CDK17: variants seen among roughly 807,000 people sequenced by gnomAD.
The protein encoded by CDK17 is cyclin dependent kinase 17, also known as cyclin-dependent kinase 17.
Under a neutral mutation model 77.6 loss-of-function variants are expected in CDK17, and 24 were observed. The observed-to-expected ratio is 0.31, with a 90% confidence interval of 0.22 to 0.44. The LOEUF is 0.44. Ranked by LOEUF, CDK17 falls within the 20% of genes least tolerant of loss-of-function variation. The probability of loss-of-function intolerance (pLI) is 1.00; values close to 1 mark genes in which losing one functional copy is unlikely to be tolerated. For synonymous variants in CDK17, 203 were observed against 210.4 expected (o/e 0.96, Z 0.30); for missense variants, 429 against 622.5 (o/e 0.69, Z 3.31).
chr12:96,302,052 T>A (rs1445544955), intron 5 of CDK17, among the ~76,000 whole-genome samples: 1 of 152,176 alleles, frequency 6.6e-6, no homozygotes, highest in Non-Finnish European at 1.5e-5. Context: ...GACATTTTCC[T>A]ATGACGTTTT....
At chr12:96,300,199 A>G (rs899729547) in intron 6 of CDK17, 105 bp downstream of exon 6, 3 of 767,592 alleles carry the variant, frequency 3.9e-6, no homozygotes, top group Admixed American at 2.2e-5. Flanking sequence ...TCTTGTAGAC[A>G]TCAGTACTTA....
intron 1 of CDK17, among the ~76,000 whole-genome samples, chr12:96,354,609 G>A (rs1159952485): frequency 6.6e-6 from 1 of 152,140 alleles, no homozygotes; most frequent in Non-Finnish European, 1.5e-5. Context: ...ACTGGGCATG[G>A]TGGCTCACAT....
At chr12:96,305,493 T>C (rs540288709) in intron 5 of CDK17, among the ~76,000 whole-genome samples, 2 of 146,034 alleles carry the variant, frequency 1.4e-5, no homozygotes, top group South Asian at 2.2e-4. Context: ...ACTAAAATTA[T>C]GTTTATGTAA....
intron 5 of CDK17, among the ~76,000 whole-genome samples, chr12:96,301,356 G>C (rs1952501867): frequency 6.6e-6 from 1 of 151,660 alleles, no homozygotes; most frequent in African/African-American, 2.4e-5. Context: ...TGTGTATGGA[G>C]ATGATAAACA....
chr12:96,331,334 C>T (rs538017743), intron 2 of CDK17, among the ~76,000 whole-genome samples: 66 of 152,022 alleles, frequency 4.3e-4, no homozygotes, highest in Non-Finnish European at 7.4e-4. Context: ...TTCTTCCAGG[C>T]ACTACAGAAA....
intron 13 of CDK17, among the ~76,000 whole-genome samples, chr12:96,285,114 C>G (rs1281556786): frequency 6.6e-6 from 1 of 152,084 alleles, no homozygotes; most frequent in Admixed American, 6.6e-5. Flanking sequence ...CTTCAACCTT[C>G]TACACTGAAC....
chr12:96,313,841 C>A (rs1247810537), intron 3 of CDK17, among the ~76,000 whole-genome samples: 3 of 151,990 alleles, frequency 2.0e-5, no homozygotes, highest in Admixed American at 2.0e-4. Context: ...GGAATAGACA[C>A]CTGGTCATCT....
intron 14 of CDK17, 120 bp from the exon 15 acceptor site, chr12:96,282,719 C>A: frequency 1.6e-6 from 1 of 631,960 alleles, no homozygotes; most frequent in Admixed American, 2.8e-5. Flanking sequence ...AATATGATGA[C>A]TATTTTTCAA....
intron 13 of CDK17, among the ~76,000 whole-genome samples, chr12:96,284,189 G>A (rs892630171): frequency 1.3e-5 from 2 of 152,250 alleles, no homozygotes; most frequent in East Asian, 3.9e-4. Flanking sequence ...CATCAATGGT[G>A]GCCAGGTGCA....
At position 96,400,166 on chromosome 12, in the gene CDK17, G is replaced by A; in HGVS notation, c.-210C>T. The A allele has an allele frequency of 1.5e-5, 6 of 394,388 alleles. No homozygotes were observed. Among genetic ancestry groups the A allele is most frequent in the Non-Finnish European group, 2.7e-5 (6 of 223,344 alleles). 24.4% of individuals were successfully genotyped at this position (394,388 alleles called of 1,614,324 possible). ...GCCTTCCGGCTCTCGCCGCGGGTCC[G>A]GAGCCTCGGGAGGGGCCGCGGGTGT... is the stretch of plus-strand genomic sequence containing the variant. On this transcript the variant is annotated 5_prime_UTR_variant, in exon 1 of 17. Coordinates refer to ENST00000261211, the MANE Select transcript of CDK17 (RefSeq NM_002595.5).
intron 2 of CDK17, among the ~76,000 whole-genome samples, chr12:96,325,750 A>G (rs1952885166): frequency 6.6e-6 from 1 of 152,206 alleles, no homozygotes; most frequent in Non-Finnish European, 1.5e-5. Context: ...GAATTTGGGG[A>G]TCTTAAGTGA....
rs537104367 is a variant in CDK17, at chr12:96,378,095, T to A, written c.-30+21891A>T. Among the ~76,000 whole-genome samples the A allele has an allele frequency of 1.1e-4, 17 of 152,304 alleles. No individual in the cohort carries two copies. In the South Asian group the frequency reaches 3.5e-3, roughly 32 times the overall value. ...ACACACTCAGTTTCCGCTAGTAAGA[T>A]CTTACATTAGTATGGTACTTATTGG... On this transcript the variant is annotated intron_variant, in intron 1 of 16. Transcript: ENST00000261211.
At chr12:96,290,138 G>A (rs1437434061) in intron 10 of CDK17, among the ~76,000 whole-genome samples, 1 of 152,206 alleles carries the variant, frequency 6.6e-6, no homozygotes, top group Non-Finnish European at 1.5e-5. Context: ...CCATGGGTTG[G>A]ACAAGCTTGC....
intron 1 of CDK17, among the ~76,000 whole-genome samples, chr12:96,372,645 A>G (rs1324483572): frequency 2.6e-5 from 4 of 152,208 alleles, no homozygotes; most frequent in Admixed American, 2.0e-4. Context: ...AACTGAAAAA[A>G]AATACTCCAC....
intron 13 of CDK17, among the ~76,000 whole-genome samples, chr12:96,284,652 C>A (rs553804606): frequency 6.6e-6 from 1 of 150,862 alleles, no homozygotes; most frequent in East Asian, 2.0e-4. Flanking sequence ...AACCTCTCTA[C>A]CTCCTGGGTT....
chr12:96,356,300 AATTT>A lies in CDK17; in HGVS notation c.-29-21439_-29-21436del, dbSNP rs771622643. On this transcript the variant is annotated intron_variant, in intron 1 of 16. Transcript: ENST00000261211. ...TTGAGCCATGTGACAACATATATAAAATTTATTTATTTTGAGACAGGATCTCACT... is the reference window on the plus strand; with the variant it reads ...TTGAGCCATGTGACAACATATATAAAATTTATTTTGAGACAGGATCTCACT... Among the ~76,000 whole-genome samples, 4 of 152,204 alleles carry A rather than the reference AATTT, an allele frequency of 2.6e-5. No homozygotes were observed. In the South Asian group the frequency reaches 6.2e-4, roughly 24 times the overall value.
At chr12:96,333,552 T>C (rs1044312691) in intron 2 of CDK17, among the ~76,000 whole-genome samples, 1 of 151,680 alleles carries the variant, frequency 6.6e-6, no homozygotes, top group Admixed American at 6.6e-5. Flanking sequence ...CCCATGCCTG[T>C]AATCCCAGCT....
chr12:96,381,484 T>G (rs987033200), intron 1 of CDK17, among the ~76,000 whole-genome samples: 1 of 152,056 alleles, frequency 6.6e-6, no homozygotes, highest in African/African-American at 2.4e-5. Flanking sequence ...CAGTTCAAAT[T>G]TTATAGCAGG....
intron 1 of CDK17, among the ~76,000 whole-genome samples, chr12:96,368,812 G>GA (rs1565838929): frequency 7.3e-5 from 1 of 13,618 alleles, no homozygotes; most frequent in South Asian, 3.7e-3. Context: ...AAGACGGGGG[G>GA]GGGGGGGGGG....
Sources: allele counts gnomAD v4.1 joint callset (sites outside exome capture counted in the v4.1 genomes callset), GRCh38; gene constraint gnomAD v4.1.1; transcripts MANE v1.5; gene names NCBI Gene and HGNC (gene_info 2026-07-23, HGNC 2026-07-21).